Variants in ME3 observed in about 807,000 individuals in gnomAD.
The protein encoded by ME3 is NADP-dependent malic enzyme, mitochondrial.
Under a neutral mutation model 68.9 loss-of-function variants are expected in ME3, and 48 were observed. That is an observed-to-expected ratio of 0.70 (90% CI 0.55 to 0.89). ME3 has a LOEUF of 0.89. Ranked by LOEUF, ME3 falls within the 40% of genes least tolerant of loss-of-function variation. The pLI, the probability that ME3 is intolerant of heterozygous loss-of-function variation, is 0.00. For missense variants in ME3, 675 were observed against 797.4 expected (o/e 0.85, Z 1.85); for synonymous variants, 320 against 318.8 (o/e 1.00, Z -0.04).
intron 2 of ME3, among the ~76,000 whole-genome samples, chr11:86,610,059 T>C (rs915415693): frequency 7.2e-5 from 11 of 152,184 alleles, no homozygotes. Context: ...ATACATTTCA[T>C]ATAATGTCTA....
At chr11:86,438,948 G>A (rs1342678048), downstream of ME3, among the ~76,000 whole-genome samples, 1 of 152,144 alleles carries the variant, frequency 6.6e-6, no homozygotes, top group South Asian at 2.1e-4. Context: ...GCAAGCTGGA[G>A]ATCTAGGAGA....
intron 2 of ME3, among the ~76,000 whole-genome samples, chr11:86,617,068 T>G (rs1409882160): frequency 8.5e-5 from 12 of 141,500 alleles, no homozygotes; most frequent in African/African-American, 2.6e-4. Context: ...TTTTTTTTTT[T>G]TTTTTTTTTT....
intron 8 of ME3, among the ~76,000 whole-genome samples, chr11:86,452,020 A>C (rs1949657173): frequency 6.6e-6 from 1 of 152,210 alleles, no homozygotes; most frequent in Non-Finnish European, 1.5e-5. Context: ...GATGCAATGT[A>C]TTATGACTTA....
At chr11:86,591,824 G>A (rs10792859) in intron 2 of ME3, among the ~76,000 whole-genome samples, 90,124 of 151,908 alleles carry the variant, frequency 0.59, 28,509 homozygotes, top group Non-Finnish European at 0.7. Flanking sequence ...AGAACAGCAT[G>A]GGAAAGACCT....
chr11:86,525,947 G>A (rs1304206688), intron 4 of ME3, among the ~76,000 whole-genome samples: 1 of 151,938 alleles, frequency 6.6e-6, no homozygotes, highest in Non-Finnish European at 1.5e-5. Flanking sequence ...GTGAGCAACA[G>A]AGAAGACGTA....
intron 2 of ME3, among the ~76,000 whole-genome samples, chr11:86,580,454 G>A (rs887183853): frequency 3.3e-5 from 5 of 152,158 alleles, no homozygotes; most frequent in Non-Finnish European, 7.4e-5. Context: ...CTAAATACAT[G>A]ACTGAATGAT....
chr11:86,499,601 C>G (rs1416770068), intron 5 of ME3, among the ~76,000 whole-genome samples: 5 of 152,174 alleles, frequency 3.3e-5, no homozygotes, highest in Non-Finnish European at 7.4e-5. Context: ...GGGATCTTCT[C>G]ACTTCCATTC....
intron 2 of ME3, among the ~76,000 whole-genome samples, chr11:86,624,058 T>C (rs1190922937): frequency 1.3e-5 from 2 of 152,230 alleles, no homozygotes; most frequent in African/African-American, 4.8e-5. Flanking sequence ...AGTTTATTTT[T>C]GAGACCAGGA....
chr11:86,609,176 C>T (rs1462870174), intron 2 of ME3, among the ~76,000 whole-genome samples: 1 of 152,140 alleles, frequency 6.6e-6, no homozygotes, highest in African/African-American at 2.4e-5. Flanking sequence ...CTCTTAAACA[C>T]AATAAAATAG....
chr11:86,663,044 T>C (rs2135498552), intron 2 of ME3, among the ~76,000 whole-genome samples: 1 of 152,288 alleles, frequency 6.6e-6, no homozygotes, highest in South Asian at 2.1e-4. Context: ...AGAGACTGCC[T>C]TCTCCAGAAT....
intron 13 of ME3, among the ~76,000 whole-genome samples, chr11:86,445,701 G>A (rs1314757299): frequency 6.6e-6 from 1 of 152,022 alleles, no homozygotes; most frequent in Non-Finnish European, 1.5e-5. Flanking sequence ...AATATAGGCT[G>A]TCATTCTTAA....
intron 8 of ME3, among the ~76,000 whole-genome samples, chr11:86,460,788 G>A (rs1360923029): frequency 6.6e-6 from 1 of 152,210 alleles, no homozygotes; most frequent in Non-Finnish European, 1.5e-5. Context: ...GTCTTAAGTG[G>A]CATTGCTCCT....
chr11:86,532,360 A>G (rs1955314991), intron 4 of ME3, among the ~76,000 whole-genome samples: 1 of 152,192 alleles, frequency 6.6e-6, no homozygotes, highest in Non-Finnish European at 1.5e-5. Context: ...CACTTTGAAC[A>G]AAATGGATCT....
chr11:86,651,036 G>A (rs895904723), intron 2 of ME3, among the ~76,000 whole-genome samples: 12 of 152,328 alleles, frequency 7.9e-5, no homozygotes, highest in African/African-American at 2.4e-4. Flanking sequence ...AGGTGGCAGC[G>A]AGGCTGGGGG....
rs758627304 is a variant in ME3, at chr11:86,473,212, CA to C, written c.810-8013del. 2.6e-5 allele frequency among the ~76,000 whole-genome samples: 4 copies of C among 152,210 alleles called. No homozygotes were observed. In the East Asian group the frequency reaches 7.7e-4, roughly 29 times the overall value. ...GTTGGGCCCACACAGCAGCTGCTACCAGAGCCACGCAATGGGCCGTGGTCGG... is the reference window on the plus strand; with the variant it reads ...GTTGGGCCCACACAGCAGCTGCTACCGAGCCACGCAATGGGCCGTGGTCGG... On this transcript the variant is annotated intron_variant, in intron 7 of 14. Transcript: ENST00000543262.
At chr11:86,634,802 T>G (rs991604985) in intron 2 of ME3, among the ~76,000 whole-genome samples, 2 of 152,224 alleles carry the variant, frequency 1.3e-5, no homozygotes, top group African/African-American at 4.8e-5. Flanking sequence ...CTTTGAACAC[T>G]ATCCTTGGCT....
chr11:86,588,272 C>T (rs538592982), intron 2 of ME3, among the ~76,000 whole-genome samples: 1 of 152,304 alleles, frequency 6.6e-6, no homozygotes, highest in South Asian at 2.1e-4. Flanking sequence ...CTCTAATACC[C>T]ATTAGTCCCC....
intron 2 of ME3, among the ~76,000 whole-genome samples, chr11:86,650,915 C>A (rs1055784994): frequency 1.3e-5 from 2 of 152,226 alleles, no homozygotes; most frequent in African/African-American, 4.8e-5. Flanking sequence ...ACTTTTCCAA[C>A]GGTCTTAGCC....
At chr11:86,553,821 C>T (rs2139428844) in intron 4 of ME3, among the ~76,000 whole-genome samples, 1 of 152,278 alleles carries the variant, frequency 6.6e-6, no homozygotes, top group Middle Eastern at 3.4e-3. Flanking sequence ...GTCAAACATT[C>T]CTGGAGCTGC....
Sources: gnomAD v4.1 joint callset for allele counts (sites outside exome capture counted in the v4.1 genomes callset) on GRCh38, gnomAD v4.1.1 for gene constraint, MANE v1.5 for transcripts, NCBI Gene and HGNC (gene_info 2026-07-23, HGNC 2026-07-21) for gene names.